Variants in PDCD10 observed in about 807,000 individuals in gnomAD.
PDCD10 encodes programmed cell death 10, also known as programmed cell death protein 10.
In PDCD10, 4 loss-of-function variants were observed where a neutral mutation model predicts 29.2. That is an observed-to-expected ratio of 0.14 (90% CI 0.07 to 0.31). The LOEUF (loss-of-function observed/expected upper bound fraction) is 0.31, where lower values mean the gene tolerates loss of function less well. PDCD10 is among the 10% of genes least tolerant of loss of function. The pLI is 1.00. For synonymous variants in PDCD10, 70 were observed against 82.2 expected (o/e 0.85, Z 0.80); for missense variants, 183 against 257.9 (o/e 0.71, Z 1.99).
In PDCD10 at chr3:167,687,663, A is replaced by G; in HGVS notation, c.426T>C (p.Leu142=). Residue 142 remains leucine (L), a synonymous_variant, in exon 7 of 9, where the codon CTT becomes CTC. Transcript: ENST00000392750. The stretch of plus-strand genomic sequence containing the variant: ...TCTTGAAGACATTATTCACTGTATC[A>G]AGAAGTTCTTTTATTGCACTAGCTA... ...KDIASAIKEL[L]DTVNNVFKKY... is the part of the protein sequence containing the mutation. The G allele has an allele frequency of 6.3e-7, 1 of 1,595,150 alleles. No homozygotes were observed. Among genetic ancestry groups the G allele is most frequent in the Non-Finnish European group, 8.6e-7 (1 of 1,162,930 alleles).
chr3:167,707,876 TA>T (rs1177560542), intron 3 of PDCD10, among the ~76,000 whole-genome samples: 3 of 152,006 alleles, frequency 2.0e-5, no homozygotes, highest in African/African-American at 7.2e-5. Context: ...ATGTAACCAG[TA>T]AAAGAGTAAG....
chr3:167,704,787 T>C (rs1180680856), intron 4 of PDCD10, 55 bp downstream of exon 4: 24 of 1,219,036 alleles, frequency 2.0e-5, no homozygotes, highest in Non-Finnish European at 2.9e-5. Flanking sequence ...CACATGTACT[T>C]ACATTTACAA....
intron 2 of PDCD10, chr3:167,731,085 C>A (rs1724755501): frequency 6.6e-6 from 1 of 152,060 alleles, no homozygotes; most frequent in African/African-American, 2.4e-5. Flanking sequence ...TCTGGAAACT[C>A]TAGCAATTTA....
At chr3:167,689,225 G>A (rs1719960371) in intron 6 of PDCD10, among the ~76,000 whole-genome samples, 1 of 151,892 alleles carries the variant, frequency 6.6e-6, no homozygotes, top group Non-Finnish European at 1.5e-5. Context: ...TTGTATATTG[G>A]TGTGATGGAC....
chr3:167,704,369 A>G (rs941757213), intron 4 of PDCD10, among the ~76,000 whole-genome samples: 4 of 152,152 alleles, frequency 2.6e-5, no homozygotes, highest in Non-Finnish European at 4.4e-5. Context: ...CAAGAATGAC[A>G]GGCACGCACC....
intron 2 of PDCD10, among the ~76,000 whole-genome samples, chr3:167,725,772 T>TGC (rs1366566664): frequency 7.3e-5 from 2 of 27,538 alleles, no homozygotes; most frequent in African/African-American, 3.3e-4. Flanking sequence ...TTTATATATA[T>TGC]ATATATATAT....
intron 2 of PDCD10, among the ~76,000 whole-genome samples, chr3:167,727,030 A>C (rs1471076314): frequency 1.3e-5 from 2 of 152,222 alleles, no homozygotes; most frequent in Non-Finnish European, 2.9e-5. Flanking sequence ...GTGCATTTTA[A>C]AACTTTTTGC....
intron 3 of PDCD10, among the ~76,000 whole-genome samples, chr3:167,710,972 G>T (rs4256127): frequency 2.6e-5 from 4 of 151,998 alleles, no homozygotes; most frequent in South Asian, 2.1e-4. Flanking sequence ...GGTATCTCTA[G>T]GAGACTGGAA....
At chr3:167,716,551 C>T (rs964173886) in intron 3 of PDCD10, among the ~76,000 whole-genome samples, 5 of 150,574 alleles carry the variant, frequency 3.3e-5, no homozygotes, top group East Asian at 3.9e-4. Flanking sequence ...TATGTGCCCA[C>T]AAAAATTTAA....
intron 2 of PDCD10, among the ~76,000 whole-genome samples, chr3:167,727,559 A>G (rs1278742827): frequency 1.3e-5 from 2 of 152,124 alleles, no homozygotes; most frequent in African/African-American, 4.8e-5. Context: ...GTACATGTCT[A>G]TTTTCCTTTT....
intron 8 of PDCD10, among the ~76,000 whole-genome samples, chr3:167,686,172 G>C (rs1288814442): frequency 1.3e-5 from 2 of 152,146 alleles, no homozygotes; most frequent in African/African-American, 4.8e-5. Flanking sequence ...CATTTGACTT[G>C]AAGTGCAAAT....
At chr3:167,718,088 G>A (rs1723190720) in intron 3 of PDCD10, among the ~76,000 whole-genome samples, 1 of 151,920 alleles carries the variant, frequency 6.6e-6, no homozygotes, top group African/African-American at 2.4e-5. Context: ...GGGTGGAATT[G>A]TGATAATGGT....
chr3:167,731,855 C>T (rs549669717), intron 2 of PDCD10, among the ~76,000 whole-genome samples: 1 of 152,166 alleles, frequency 6.6e-6, no homozygotes, highest in African/African-American at 2.4e-5. Context: ...CCCTGACGAA[C>T]GATATTTAAA....
chr3:167,695,546 C>A, intron 6 of PDCD10, 50 bp downstream of exon 6: 1 of 1,559,892 alleles, frequency 6.4e-7, no homozygotes, highest in South Asian at 1.1e-5. Flanking sequence ...ATGAGTAGTT[C>A]CTCGGAAGTA....
At chr3:167,690,116 T>C (rs1720063187) in intron 6 of PDCD10, among the ~76,000 whole-genome samples, 2 of 152,194 alleles carry the variant, frequency 1.3e-5, no homozygotes, top group Non-Finnish European at 2.9e-5. Flanking sequence ...TGCAGATGAA[T>C]TCTGTGATAA....
At chr3:167,721,940 C>T (rs982945037) in intron 2 of PDCD10, among the ~76,000 whole-genome samples, 1 of 151,964 alleles carries the variant, frequency 6.6e-6, no homozygotes, top group East Asian at 1.9e-4. Flanking sequence ...TAAACAAGAC[C>T]AAAATAATAA....
intron 2 of PDCD10, among the ~76,000 whole-genome samples, chr3:167,725,957 A>G (rs191002641): frequency 1.3e-5 from 2 of 150,624 alleles, no homozygotes; most frequent in African/African-American, 4.9e-5. Context: ...TCACCTCTCT[A>G]TCCTTTGGTT....
At chr3:167,706,522 A>G (rs1350750106) in intron 3 of PDCD10, among the ~76,000 whole-genome samples, 1 of 151,052 alleles carries the variant, frequency 6.6e-6, no homozygotes, top group Non-Finnish European at 1.5e-5. Flanking sequence ...GGCAACTGTA[A>G]CACTATGTAT....
chr3:167,702,835 T>C (rs1261855246), intron 4 of PDCD10, among the ~76,000 whole-genome samples: 1 of 152,188 alleles, frequency 6.6e-6, no homozygotes, highest in Non-Finnish European at 1.5e-5. Context: ...ACTTGAAATG[T>C]AACAAACTAA....
Sources: gnomAD v4.1 joint callset for allele counts (sites outside exome capture counted in the v4.1 genomes callset) on GRCh38, gnomAD v4.1.1 for gene constraint, MANE v1.5 for transcripts, NCBI Gene and HGNC (gene_info 2026-07-23, HGNC 2026-07-21) for gene names.